The following CADPS2 variants were observed in gnomAD, a reference collection of about 807,000 sequenced individuals.
CADPS2 encodes the protein calcium-dependent secretion activator 2.
CADPS2 carries 93 observed loss-of-function variants against 172.5 expected under a neutral mutation model. That is an observed-to-expected ratio of 0.54 (90% CI 0.46 to 0.64). The LOEUF (loss-of-function observed/expected upper bound fraction) is 0.64. Ranked by LOEUF, CADPS2 falls within the 30% of genes least tolerant of loss-of-function variation. CADPS2 has a pLI of 0.00. For missense variants in CADPS2, 1,420 were observed against 1,565.9 expected, an observed-to-expected ratio of 0.91 and a Z score of 1.57; for synonymous variants, 546 against 555.2, an observed-to-expected ratio of 0.98 and a Z score of 0.23.
rs947952403 is a variant in CADPS2, at chr7:122,532,096, A to T, written c.1476-18781T>A. ...GTTAGCCTGTTAGCATTATCTTGAC[A>T]TCTAGGCTATGCCCCGACATTGCAA... On this transcript the variant is annotated intron_variant, in intron 8 of 29. Transcript: ENST00000449022. Among the ~76,000 whole-genome samples, 19 of 152,126 alleles carry T rather than the reference A, an allele frequency of 1.2e-4. No individual in the cohort carries two copies. The South Asian group carries it at 2.1e-3, about 17-fold the overall frequency.
chr7:122,789,828 T>C (rs947133111), intron 1 of CADPS2, among the ~76,000 whole-genome samples: 3 of 152,128 alleles, frequency 2.0e-5, no homozygotes, highest in African/African-American at 7.2e-5. Context: ...AAATCTGCCA[T>C]TCTGAGAGAT....
intron 20 of CADPS2, among the ~76,000 whole-genome samples, chr7:122,400,314 G>T (rs2045786137): frequency 6.6e-6 from 1 of 151,920 alleles, no homozygotes; most frequent in South Asian, 2.1e-4. Flanking sequence ...GTGCATGCCT[G>T]TAATCCCAGC....
At chr7:122,714,329 T>C (rs1006531665) in intron 2 of CADPS2, among the ~76,000 whole-genome samples, 2 of 152,114 alleles carry the variant, frequency 1.3e-5, no homozygotes, top group African/African-American at 2.4e-5. Context: ...AAAGTGGACA[T>C]AGTATTCACT....
At chr7:122,778,266 A>G (rs2093945378) in intron 1 of CADPS2, among the ~76,000 whole-genome samples, 1 of 152,166 alleles carries the variant, frequency 6.6e-6, no homozygotes, top group South Asian at 2.1e-4. Flanking sequence ...TTTGAACTTG[A>G]GAGAGATGAT....
chr7:122,554,417 C>G, intron 8 of CADPS2, 133 bp downstream of exon 8: 1 of 828,678 alleles, frequency 1.2e-6, no homozygotes, highest in Non-Finnish European at 1.8e-6. Context: ...AGTAAGATAA[C>G]TTACGTATGT....
chr7:122,528,512 T>A (rs1376836265), intron 8 of CADPS2, among the ~76,000 whole-genome samples: 4 of 152,142 alleles, frequency 2.6e-5, no homozygotes, highest in Non-Finnish European at 2.9e-5. Context: ...CTCTCATGTA[T>A]CTTTATTTAG....
chr7:122,738,853 G>GAAA (rs11480750), intron 1 of CADPS2, among the ~76,000 whole-genome samples: 63 of 131,558 alleles, frequency 4.8e-4, no homozygotes, highest in African/African-American at 1.3e-3. Flanking sequence ...CCCAGGGGGG[G>GAAA]AAAAAAAAAA....
intron 7 of CADPS2, among the ~76,000 whole-genome samples, chr7:122,557,082 C>A (rs905906986): frequency 6.6e-6 from 1 of 152,080 alleles, no homozygotes; most frequent in Non-Finnish European, 1.5e-5. Flanking sequence ...AACATTGGCA[C>A]GTGTAACAAG....
intron 1 of CADPS2, among the ~76,000 whole-genome samples, chr7:122,871,443 CATTTAT>C (rs1198302260): frequency 1.3e-5 from 2 of 151,420 alleles, no homozygotes; most frequent in East Asian, 1.9e-4. Context: ...TGCATATGTA[CATTTAT>C]ATTTATACAG....
chr7:122,795,097 G>T (rs1227170091), intron 1 of CADPS2, among the ~76,000 whole-genome samples: 1 of 151,612 alleles, frequency 6.6e-6, no homozygotes, highest in Non-Finnish European at 1.5e-5. Flanking sequence ...AAAGCTAGCA[G>T]AAGACAATAA....
chr7:122,633,044 C>T (rs1328835931), intron 3 of CADPS2, among the ~76,000 whole-genome samples: 2 of 152,068 alleles, frequency 1.3e-5, no homozygotes, highest in African/African-American at 2.4e-5. Flanking sequence ...TATGCTGCTC[C>T]ATTTGTCTAT....
chr7:122,642,701 CCTCT>C (rs1563939590), intron 3 of CADPS2, among the ~76,000 whole-genome samples: 2 of 151,832 alleles, frequency 1.3e-5, no homozygotes, highest in Non-Finnish European at 2.9e-5. Flanking sequence ...GCATCATTGC[CCTCT>C]CTAATATATC....
intron 1 of CADPS2, among the ~76,000 whole-genome samples, chr7:122,817,454 G>A (rs555791431): frequency 1.5e-4 from 23 of 152,142 alleles, no homozygotes; most frequent in African/African-American, 5.1e-4. Flanking sequence ...GAGAGACAAA[G>A]GCGACACGTT....
At chr7:122,813,413 GTC>G (rs1311796134) in intron 1 of CADPS2, among the ~76,000 whole-genome samples, 1 of 151,956 alleles carries the variant, frequency 6.6e-6, no homozygotes, top group Admixed American at 6.6e-5. Flanking sequence ...TTACATTTAA[GTC>G]TCTTTGCTAA....
chr7:122,708,574 T>C (rs2088055334), intron 2 of CADPS2, among the ~76,000 whole-genome samples: 1 of 129,800 alleles, frequency 7.7e-6, no homozygotes, highest in Non-Finnish European at 1.6e-5. Flanking sequence ...TATATATATC[T>C]TCCTTGCTCT....
intron 1 of CADPS2, among the ~76,000 whole-genome samples, chr7:122,820,400 C>T (rs1277864292): frequency 2.6e-5 from 4 of 152,010 alleles, no homozygotes; most frequent in African/African-American, 4.8e-5. Flanking sequence ...CCAATTGCAT[C>T]CGACTGATCT....
At chr7:122,416,188 A>G (rs375954936) in intron 17 of CADPS2, 24 bp from the exon 18 acceptor site, 118 of 1,388,992 alleles carry the variant, frequency 8.5e-5, no homozygotes, top group Non-Finnish European at 1.1e-4. Context: ...AATCATAATC[A>G]TGTTACCTTG....
intron 14 of CADPS2, among the ~76,000 whole-genome samples, chr7:122,453,548 A>C (rs962447254): frequency 1.3e-5 from 2 of 152,216 alleles, no homozygotes; most frequent in Non-Finnish European, 2.9e-5. Flanking sequence ...CATACCATAA[A>C]GTTATGGGTG....
rs561014609 is a variant in CADPS2, at chr7:122,702,928, T to C, written c.453+34027A>G. On this transcript the variant is annotated intron_variant, in intron 2 of 29. Coordinates refer to ENST00000449022, the MANE Select transcript of CADPS2 (RefSeq NM_017954.11). ...ATTTTAATATTTAGTAGATTATCTT[T>C]CTCATAATGAAACAAAATAACAAGA... 5.5e-6 allele frequency: 3 copies of C among 544,248 alleles called. No homozygotes were observed. In the East Asian group the frequency reaches 8.9e-5, roughly 16 times the overall value. 33.7% of individuals were successfully genotyped at this position (544,248 alleles called of 1,614,324 possible).
Sources: allele counts gnomAD v4.1 joint callset (sites outside exome capture counted in the v4.1 genomes callset), GRCh38; gene constraint gnomAD v4.1.1; transcripts MANE v1.5; gene names NCBI Gene and HGNC (gene_info 2026-07-23, HGNC 2026-07-21).